The following IGF2BP3 variants were observed in gnomAD, a reference collection of about 807,000 sequenced individuals.
IGF2BP3 encodes insulin-like growth factor 2 mRNA-binding protein 3.
IGF2BP3 carries 9 observed loss-of-function variants against 73.8 expected under a neutral mutation model. That is an observed-to-expected ratio of 0.12 (90% CI 0.07 to 0.21). The LOEUF is 0.21. Ranked by LOEUF, IGF2BP3 falls within the 10% of genes least tolerant of loss-of-function variation. IGF2BP3 has a pLI of 1.00. For missense variants in IGF2BP3, 542 were observed against 714.0 expected, an observed-to-expected ratio of 0.76 and a Z score of 2.75; for synonymous variants, 258 against 256.7, an observed-to-expected ratio of 1.01 and a Z score of -0.05.
intron 11 of IGF2BP3, 29 bp from the exon 12 acceptor site, chr7:23,317,742 T>C (rs1689250271): frequency 1.9e-6 from 3 of 1,581,508 alleles, no homozygotes; most frequent in Non-Finnish European, 1.7e-6. Context: ...CAAGTTATGA[T>C]ACTTTCAGGT....
intron 3 of IGF2BP3, among the ~76,000 whole-genome samples, chr7:23,407,881 TA>T (rs1370345053): frequency 8.0e-6 from 1 of 124,938 alleles, no homozygotes. Context: ...GCAAAAAGAA[TA>T]AAATACCACA....
chr7:23,391,059 A>G (rs1583980277), intron 3 of IGF2BP3, among the ~76,000 whole-genome samples: 1 of 150,388 alleles, frequency 6.6e-6, no homozygotes, highest in Admixed American at 6.6e-5. Flanking sequence ...TCGGCCTCCC[A>G]AAGTGCTGGG....
chr7:23,346,084 T>A (rs201572636), intron 7 of IGF2BP3, 22 bp from the exon 8 acceptor site: 1 of 1,594,704 alleles, frequency 6.3e-7, no homozygotes, highest in South Asian at 1.1e-5. Flanking sequence ...AAAGTGGCCA[T>A]AAAATTAGAA....
intron 2 of IGF2BP3, among the ~76,000 whole-genome samples, chr7:23,438,154 C>CT (rs1488441845): frequency 6.6e-6 from 1 of 152,232 alleles, no homozygotes. Context: ...GAGTCTCACT[C>CT]TGTTGCCCAG....
rs1173496806 is a variant in IGF2BP3 at position 23,315,545 on chromosome 7, AG to A, written c.1396-1893del. On this transcript the variant is annotated intron_variant, in intron 12 of 14. Coordinates refer to ENST00000258729, the MANE Select transcript of IGF2BP3 (RefSeq NM_006547.3). ...CTGAGAGTTGGTTTGACAAGCTGCC[AG>A]GGTAAACCACAAAAAACAATAGTAC... is the stretch of plus-strand genomic sequence containing the variant. 2.0e-5 allele frequency among the ~76,000 whole-genome samples: 3 copies of A among 152,242 alleles called. No individual in the cohort carries two copies. The East Asian group carries it at 5.8e-4, about 29-fold the overall frequency.
At chr7:23,318,229 CTTTG>C (rs775658153) in intron 11 of IGF2BP3, among the ~76,000 whole-genome samples, 10 of 152,106 alleles carry the variant, frequency 6.6e-5, no homozygotes, top group Non-Finnish European at 1.3e-4. Flanking sequence ...CACCACATGC[CTTTG>C]TTTGTCTGAG....
chr7:23,395,994 C>A (rs531609577), intron 3 of IGF2BP3, among the ~76,000 whole-genome samples: 72 of 150,790 alleles, frequency 4.8e-4, no homozygotes, highest in Non-Finnish European at 9.4e-4. Context: ...ATCCTATTTT[C>A]TTATACCCAT....
intron 3 of IGF2BP3, among the ~76,000 whole-genome samples, chr7:23,417,285 G>A (rs930556574): frequency 9.9e-5 from 15 of 152,132 alleles, no homozygotes; most frequent in Admixed American, 7.2e-4. Flanking sequence ...AGCATCTTAC[G>A]ATTCAGTATG....
chr7:23,410,125 C>T (rs1163500425), intron 3 of IGF2BP3, among the ~76,000 whole-genome samples: 1 of 152,084 alleles, frequency 6.6e-6, no homozygotes, highest in East Asian at 1.9e-4. Context: ...GCCGAGATCG[C>T]ACCATTGCAC....
chr7:23,446,142 A>G (rs549475570), intron 2 of IGF2BP3, among the ~76,000 whole-genome samples: 2 of 152,294 alleles, frequency 1.3e-5, no homozygotes, highest in African/African-American at 4.8e-5. Flanking sequence ...AAAAAACCTC[A>G]CTTCCATAGT....
chr7:23,387,063 CAAAA>C (rs554283709), intron 3 of IGF2BP3, among the ~76,000 whole-genome samples: 2 of 90,906 alleles, frequency 2.2e-5, no homozygotes, highest in African/African-American at 4.1e-5. Flanking sequence ...AAGACTCTGT[CAAAA>C]AAAAAAAAAA....
chr7:23,338,489 C>G (rs527969408), intron 10 of IGF2BP3, among the ~76,000 whole-genome samples: 2 of 152,264 alleles, frequency 1.3e-5, no homozygotes, highest in South Asian at 4.1e-4. Context: ...GTCCCCATCT[C>G]TTGAAAAGAA....
chr7:23,326,618 G>A (rs941485079), intron 10 of IGF2BP3, among the ~76,000 whole-genome samples: 18 of 151,304 alleles, frequency 1.2e-4, no homozygotes, highest in Admixed American at 2.0e-4. Flanking sequence ...ACATGCACAC[G>A]TATGTTTATT....
At chr7:23,340,296 G>A (rs953360600) in intron 10 of IGF2BP3, among the ~76,000 whole-genome samples, 8 of 152,062 alleles carry the variant, frequency 5.3e-5, no homozygotes, top group African/African-American at 1.7e-4. Context: ...TACTAGAAAC[G>A]GCAGGTGAAT....
intron 2 of IGF2BP3, among the ~76,000 whole-genome samples, chr7:23,426,340 AGGGGGGTGGGGCC>A (rs1787510607): frequency 8.7e-6 from 1 of 114,662 alleles, no homozygotes; most frequent in African/African-American, 3.6e-5. Flanking sequence ...AAAAAAAAAA[AGGGGGGTGGGGCC>A]AAAATTGCCA....
intron 2 of IGF2BP3, 26 bp downstream of exon 2, chr7:23,468,456 C>T (rs1311186433): frequency 2.5e-6 from 4 of 1,613,166 alleles, no homozygotes; most frequent in Non-Finnish European, 3.4e-6. Context: ...AGAACAGAAT[C>T]GGGGCAAACA....
At chr7:23,401,480 C>T (rs1786661707) in intron 3 of IGF2BP3, among the ~76,000 whole-genome samples, 1 of 152,144 alleles carries the variant, frequency 6.6e-6, no homozygotes, top group South Asian at 2.1e-4. Context: ...AAAGTCACTG[C>T]TATGCCAGGC....
intron 3 of IGF2BP3, among the ~76,000 whole-genome samples, chr7:23,364,944 T>A (rs2128509193): frequency 6.6e-6 from 1 of 152,222 alleles, no homozygotes; most frequent in South Asian, 2.1e-4. Flanking sequence ...GGCAGGTGGA[T>A]CACTAGAGGT....
chr7:23,351,265 G>T, intron 6 of IGF2BP3, 40 bp downstream of exon 6: 4 of 1,605,490 alleles, frequency 2.5e-6, no homozygotes, highest in Non-Finnish European at 3.4e-6. Context: ...ATTCCAAGGG[G>T]AATTCTCATG....
Sources: gnomAD v4.1 joint callset for allele counts (sites outside exome capture counted in the v4.1 genomes callset) on GRCh38, gnomAD v4.1.1 for gene constraint, MANE v1.5 for transcripts, NCBI Gene and HGNC (gene_info 2026-07-23, HGNC 2026-07-21) for gene names.